The following AGBL1 variants were observed in gnomAD, a reference collection of about 807,000 sequenced individuals.
The protein encoded by AGBL1 is cytosolic carboxypeptidase 4.
In AGBL1, 130 loss-of-function variants were observed where a neutral mutation model predicts 118.9. The observed-to-expected ratio is 1.09, with a 90% CI of 0.95 to 1.26. AGBL1 has a LOEUF of 1.26. AGBL1 is among the 50% of genes most tolerant of loss of function. The probability of loss-of-function intolerance (pLI) is 0.00; values close to 1 mark genes in which losing one functional copy is unlikely to be tolerated. For missense variants in AGBL1, 1,584 were observed against 1,298.1 expected (o/e 1.22, Z -3.38); for synonymous variants, 555 against 478.9 (o/e 1.16, Z -2.08).
At chr15:86,502,542 T>G (rs1337210614) in intron 18 of AGBL1, among the ~76,000 whole-genome samples, 4 of 151,130 alleles carry the variant, frequency 2.6e-5, no homozygotes, top group Non-Finnish European at 5.9e-5. Context: ...CAGTCTTTTA[T>G]CATTAAGTAA....
chr15:86,617,986 A>G (rs1441866894), intron 21 of AGBL1, among the ~76,000 whole-genome samples: 1 of 152,180 alleles, frequency 6.6e-6, no homozygotes, highest in African/African-American at 2.4e-5. Context: ...TAATCATAAC[A>G]TTTCTATAAG....
intron 23 of AGBL1, among the ~76,000 whole-genome samples, chr15:86,930,268 G>A (rs948013043): frequency 6.6e-6 from 1 of 152,174 alleles, no homozygotes; most frequent in Admixed American, 6.5e-5. Context: ...CCTCCAGAGT[G>A]AAAATAAAAA....
chr15:86,853,346 G>A (rs750762854), intron 22 of AGBL1, among the ~76,000 whole-genome samples: 12 of 152,094 alleles, frequency 7.9e-5, no homozygotes, highest in Non-Finnish European at 1.6e-4. Context: ...GCAAGCAGTA[G>A]AGAGCTAATT....
At position 86,279,762 on chromosome 15, in the gene AGBL1, C is replaced by A; in HGVS notation, c.2199C>A (p.Pro733=). 6.2e-7 allele frequency: 1 copy of A among 1,613,804 alleles called. No homozygotes were observed. The highest frequency in any genetic ancestry group is 1.1e-5 in the South Asian group (1 of 91,068). The change falls in exon 16 of 23, where the codon CCC becomes CCA. Residue 733 remains proline, a synonymous_variant. Coordinates refer to ENST00000614907, the MANE Select transcript of AGBL1 (RefSeq NM_001386094.1). The part of the protein sequence containing the change: ...EDVCYLAYHY[P]YTYTALMTHL... ...TCTGCTACCTGGCCTACCACTATCC[C>A]TATACCTACACAGCCCTCATGGTAA...
chr15:87,015,646 A>C (rs8027251), intron 24 of AGBL1, among the ~76,000 whole-genome samples: 1 of 152,066 alleles, frequency 6.6e-6, no homozygotes, highest in East Asian at 1.9e-4. Flanking sequence ...AAATAAATCT[A>C]TTTATCTCCT....
chr15:86,210,087 C>T (rs181984845), intron 5 of AGBL1, among the ~76,000 whole-genome samples: 19 of 152,144 alleles, frequency 1.2e-4, no homozygotes, highest in East Asian at 1.2e-3. Flanking sequence ...TTAGTTTGGC[C>T]GGATATGAAA....
chr15:86,218,556 G>T (rs144891989), intron 5 of AGBL1, among the ~76,000 whole-genome samples: 207 of 152,288 alleles, frequency 1.4e-3, no homozygotes, highest in Middle Eastern at 6.8e-3. Context: ...AATATGGCAA[G>T]GTAAGGACAT....
At chr15:86,619,505 AC>A (rs1174850079) in intron 21 of AGBL1, among the ~76,000 whole-genome samples, 1 of 152,184 alleles carries the variant, frequency 6.6e-6, no homozygotes, top group Non-Finnish European at 1.5e-5. Context: ...TTTTTGGGTG[AC>A]CTTTTTAGTT....
intron 21 of AGBL1, among the ~76,000 whole-genome samples, chr15:86,599,385 G>A (rs2084460686): frequency 6.6e-6 from 1 of 151,800 alleles, no homozygotes; most frequent in Non-Finnish European, 1.5e-5. Flanking sequence ...CATTGAACAT[G>A]TTAACCATGC....
At chr15:86,719,314 T>G (rs2086682727) in intron 22 of AGBL1, among the ~76,000 whole-genome samples, 1 of 152,172 alleles carries the variant, frequency 6.6e-6, no homozygotes, top group African/African-American at 2.4e-5. Context: ...GCCCCAGTTT[T>G]CTGCTGCCTC....
intron 17 of AGBL1, among the ~76,000 whole-genome samples, chr15:86,322,641 C>T (rs2080121349): frequency 6.6e-6 from 1 of 152,094 alleles, no homozygotes; most frequent in Non-Finnish European, 1.5e-5. Flanking sequence ...TTTGGAACTG[C>T]ATCTGGGGGA....
chr15:86,759,767 C>G (rs1359233765), intron 22 of AGBL1, among the ~76,000 whole-genome samples: 1 of 152,112 alleles, frequency 6.6e-6, no homozygotes, highest in Non-Finnish European at 1.5e-5. Context: ...GATGATGACT[C>G]TACATTCTTC....
intron 22 of AGBL1, among the ~76,000 whole-genome samples, chr15:86,681,464 T>C (rs934901935): frequency 3.9e-5 from 6 of 152,178 alleles, no homozygotes; most frequent in Non-Finnish European, 8.8e-5. Context: ...CTGTGTCCTG[T>C]GGCTAGTCAT....
intron 6 of AGBL1, among the ~76,000 whole-genome samples, chr15:86,233,745 C>T (rs1370176390): frequency 6.6e-6 from 1 of 152,166 alleles, no homozygotes; most frequent in Non-Finnish European, 1.5e-5. Flanking sequence ...GAGGAAGATC[C>T]AAAATATTGT....
intron 22 of AGBL1, among the ~76,000 whole-genome samples, chr15:86,889,288 A>G (rs2080016397): frequency 7.5e-6 from 1 of 132,574 alleles, no homozygotes. Flanking sequence ...CAAAAATTAA[A>G]CTGAAATCTA....
intron 23 of AGBL1, among the ~76,000 whole-genome samples, chr15:86,979,008 C>T (rs968472084): frequency 6.6e-6 from 1 of 152,168 alleles, no homozygotes; most frequent in South Asian, 2.1e-4. Flanking sequence ...CATTCTGGAA[C>T]TGGTGAAGGC....
intron 18 of AGBL1, among the ~76,000 whole-genome samples, chr15:86,470,468 C>T (rs1361723883): frequency 6.6e-6 from 1 of 152,012 alleles, no homozygotes; most frequent in Non-Finnish European, 1.5e-5. Context: ...TTAATTTCTA[C>T]AAGTTCGTGG....
intron 18 of AGBL1, among the ~76,000 whole-genome samples, chr15:86,424,210 A>C (rs2081834220): frequency 6.6e-6 from 1 of 152,224 alleles, no homozygotes; most frequent in African/African-American, 2.4e-5. Flanking sequence ...ATGGAACAGA[A>C]CAGAGGCCTC....
intron 22 of AGBL1, among the ~76,000 whole-genome samples, chr15:86,778,690 C>T (rs1362607359): frequency 6.6e-6 from 1 of 152,060 alleles, no homozygotes; most frequent in Admixed American, 6.6e-5. Flanking sequence ...TTTCAAGGTG[C>T]CCAGATTTCA....
Sources: gnomAD v4.1 joint callset for allele counts (sites outside exome capture counted in the v4.1 genomes callset) on GRCh38, gnomAD v4.1.1 for gene constraint, MANE v1.5 for transcripts, NCBI Gene and HGNC (gene_info 2026-07-23, HGNC 2026-07-21) for gene names.